Variants in ST6GALNAC3 observed in about 807,000 individuals in gnomAD.
ST6GALNAC3 encodes the protein ST6 N-acetylgalactosaminide alpha-2,6-sialyltransferase 3, also known as alpha-N-acetylgalactosaminide alpha-2,6-sialyltransferase 3.
In ST6GALNAC3, 25 loss-of-function variants were observed where a neutral mutation model predicts 32.7. That is an observed-to-expected ratio of 0.76 (90% CI 0.56 to 1.07). The LOEUF (loss-of-function observed/expected upper bound fraction) is 1.07. ST6GALNAC3 is among the 50% of genes least tolerant of loss of function. The probability of loss-of-function intolerance (pLI) is 0.00; values close to 1 mark genes in which losing one functional copy is unlikely to be tolerated. For synonymous variants in ST6GALNAC3, 129 were observed against 133.1 expected (o/e 0.97, Z 0.21); for missense variants, 355 against 382.4 (o/e 0.93, Z 0.60).
At chr1:76,339,233 A>G (rs1324201533) in intron 2 of ST6GALNAC3, among the ~76,000 whole-genome samples, 1 of 152,166 alleles carries the variant, frequency 6.6e-6, no homozygotes, top group Non-Finnish European at 1.5e-5. Context: ...GGATCTTGAA[A>G]AGGGAAGATT....
chr1:76,453,707 A>G (rs949465285), intron 3 of ST6GALNAC3, among the ~76,000 whole-genome samples: 7 of 152,118 alleles, frequency 4.6e-5, no homozygotes, highest in African/African-American at 7.2e-5. Flanking sequence ...CATATGGTCT[A>G]TCTTGGAGAA....
rs1570297097 is a variant in ST6GALNAC3, at chr1:76,171,550, A to G, written c.18+96666A>G. 2.6e-5 allele frequency among the ~76,000 whole-genome samples: 4 copies of G among 152,168 alleles called. No individual in the cohort carries two copies. The South Asian group carries it at 8.3e-4, about 31-fold the overall frequency. On this transcript the variant is annotated intron_variant, in intron 1 of 4. Transcript: ENST00000328299. ...AATAGATAGACCATTAGCTAGACTA[A>G]TAAGGAAGAAGAGGGAGAAGAATCA...
intron 3 of ST6GALNAC3, among the ~76,000 whole-genome samples, chr1:76,597,840 G>T (rs1441280852): frequency 6.6e-6 from 1 of 152,082 alleles, no homozygotes; most frequent in Non-Finnish European, 1.5e-5. Context: ...CTAATGTGAT[G>T]CTTTCATCCA....
intron 1 of ST6GALNAC3, among the ~76,000 whole-genome samples, chr1:76,121,743 C>T (rs976479364): frequency 1.3e-5 from 2 of 152,100 alleles, no homozygotes; most frequent in Non-Finnish European, 2.9e-5. Context: ...TGGGTCAGAT[C>T]ACACCACTGC....
chr1:76,360,593 A>G (rs1386690229), intron 2 of ST6GALNAC3, among the ~76,000 whole-genome samples: 1 of 152,232 alleles, frequency 6.6e-6, no homozygotes, highest in Non-Finnish European at 1.5e-5. Flanking sequence ...TAATAAAAAT[A>G]CAACGTGTTG....
intron 2 of ST6GALNAC3, among the ~76,000 whole-genome samples, chr1:76,348,038 C>T (rs887824698): frequency 3.9e-5 from 6 of 152,118 alleles, no homozygotes; most frequent in African/African-American, 1.4e-4. Flanking sequence ...GTAGTAATTG[C>T]ATAATACGAC....
intron 1 of ST6GALNAC3, among the ~76,000 whole-genome samples, chr1:76,078,415 G>A (rs983628127): frequency 3.0e-4 from 46 of 152,140 alleles, no homozygotes; most frequent in African/African-American, 9.2e-4. Flanking sequence ...AATGCATAGC[G>A]CTAGTTCTCG....
At chr1:76,398,167 A>G (rs1445338635) in intron 2 of ST6GALNAC3, among the ~76,000 whole-genome samples, 2 of 152,184 alleles carry the variant, frequency 1.3e-5, no homozygotes, top group East Asian at 3.9e-4. Context: ...TACAAAAAAA[A>G]AGAGAGTCTT....
intron 2 of ST6GALNAC3, among the ~76,000 whole-genome samples, chr1:76,400,902 G>GAA (rs11449269): frequency 6.4e-4 from 94 of 146,536 alleles, no homozygotes; most frequent in Admixed American, 1.5e-3. Context: ...TCTCAAAAAA[G>GAA]AAAAAAAAAA....
intron 3 of ST6GALNAC3, among the ~76,000 whole-genome samples, chr1:76,574,005 A>G (rs1284318423): frequency 6.6e-6 from 1 of 152,094 alleles, no homozygotes; most frequent in East Asian, 1.9e-4. Context: ...TTGAACACCT[A>G]CTATGTGCTA....
chr1:76,422,226 A>G (rs1234072979), intron 3 of ST6GALNAC3, among the ~76,000 whole-genome samples: 5 of 152,036 alleles, frequency 3.3e-5, no homozygotes, highest in Non-Finnish European at 7.4e-5. Context: ...TGGAAAAACA[A>G]TTGAATAAAG....
intron 1 of ST6GALNAC3, among the ~76,000 whole-genome samples, chr1:76,178,672 C>T (rs1652991304): frequency 6.6e-6 from 1 of 151,930 alleles, no homozygotes; most frequent in South Asian, 2.1e-4. Flanking sequence ...GAGGGAAAGA[C>T]AGAGGGAGAA....
chr1:76,508,850 G>C (rs953436697), intron 3 of ST6GALNAC3, among the ~76,000 whole-genome samples: 1 of 152,120 alleles, frequency 6.6e-6, no homozygotes, highest in East Asian at 1.9e-4. Flanking sequence ...GAGAAACTGG[G>C]CATATTTCTC....
At chr1:76,514,899 C>A (rs1408442918) in intron 3 of ST6GALNAC3, among the ~76,000 whole-genome samples, 1 of 152,026 alleles carries the variant, frequency 6.6e-6, no homozygotes, top group Non-Finnish European at 1.5e-5. Context: ...TTTTAATATG[C>A]TACTATATTC....
chr1:76,436,434 T>C (rs1656148873), intron 3 of ST6GALNAC3, among the ~76,000 whole-genome samples: 1 of 152,136 alleles, frequency 6.6e-6, no homozygotes, highest in African/African-American at 2.4e-5. Flanking sequence ...TGAGGTATAC[T>C]GAGTCAGGAT....
At chr1:76,255,479 G>T (rs501426) in intron 1 of ST6GALNAC3, among the ~76,000 whole-genome samples, 72,167 of 151,934 alleles carry the variant, frequency 0.47, 20,033 homozygotes, top group African/African-American at 0.77. Context: ...TGGAGAGAGA[G>T]AAAATGAGAT....
chr1:76,377,280 G>A (rs1245994579), intron 2 of ST6GALNAC3, among the ~76,000 whole-genome samples: 2 of 152,226 alleles, frequency 1.3e-5, no homozygotes, highest in Non-Finnish European at 2.9e-5. Context: ...ATGTTATTGA[G>A]TATGTAAGTT....
chr1:76,627,551 C>T lies in ST6GALNAC3; in HGVS notation c.723C>T (p.Thr241=), dbSNP rs767948772. ...ACGTCTACGGGATGATAAATGACAC[C>T]TACTGCAAGTAAGATCACAAGAAAT... ...GIHVYGMIND[T]YCKTEGYRKV... The change falls in exon 4 of 5, where the codon ACC becomes ACT. Residue 241 remains threonine (T), a synonymous_variant. Transcript: ENST00000328299. 6.2e-7 allele frequency: 1 copy of T among 1,609,620 alleles called. No homozygotes were observed. The highest frequency in any genetic ancestry group is 1.3e-5 in the African/African-American group (1 of 74,684).
chr1:76,635,719 A>G (rs1436136536), downstream of ST6GALNAC3, among the ~76,000 whole-genome samples: 1 of 152,180 alleles, frequency 6.6e-6, no homozygotes, highest in Non-Finnish European at 1.5e-5. Flanking sequence ...TGACTCAGAT[A>G]CAAAGACACC....
Sources: gnomAD v4.1 joint callset for allele counts (sites outside exome capture counted in the v4.1 genomes callset) on GRCh38, gnomAD v4.1.1 for gene constraint, MANE v1.5 for transcripts, NCBI Gene and HGNC (gene_info 2026-07-23, HGNC 2026-07-21) for gene names.